MYO10: variants seen among roughly 807,000 people sequenced by gnomAD.
MYO10 encodes the protein myosin X.
Under a neutral mutation model 257.3 loss-of-function variants are expected in MYO10, and 133 were observed. The observed-to-expected ratio is 0.52, with a 90% CI of 0.45 to 0.60. MYO10 has a LOEUF of 0.60. Among genes scored for constraint, MYO10 ranks in the 20% least tolerant of loss-of-function variants. MYO10 has a pLI of 0.00. For synonymous variants in MYO10, 1,104 were observed against 1,028.6 expected (o/e 1.07, Z -1.40); for missense variants, 2,399 against 2,635.7 (o/e 0.91, Z 1.97).
chr5:16,741,838 A>G, intron 19 of MYO10: 1 of 985,426 alleles, frequency 1.0e-6, no homozygotes, highest in Non-Finnish European at 1.2e-6. Context: ...GTTTCTGTCC[A>G]CTGTAAATAG....
At chr5:16,926,291 T>C (rs1040887125) in intron 1 of MYO10, among the ~76,000 whole-genome samples, 2 of 152,216 alleles carry the variant, frequency 1.3e-5, no homozygotes, top group Admixed American at 1.3e-4. Flanking sequence ...CAATAATCTA[T>C]CATATGCAAT....
intron 1 of MYO10, among the ~76,000 whole-genome samples, chr5:16,881,213 A>C (rs1407447960): frequency 2.0e-5 from 3 of 152,222 alleles, no homozygotes; most frequent in Non-Finnish European, 4.4e-5. Context: ...TTTAGTAAGA[A>C]TGAAATTGAG....
chr5:16,758,973 G>A (rs1020558791), intron 17 of MYO10, among the ~76,000 whole-genome samples: 29 of 152,000 alleles, frequency 1.9e-4, no homozygotes, highest in Admixed American at 1.6e-3. Flanking sequence ...CCAGGCTGGA[G>A]TGCAGTGGTG....
intron 3 of MYO10, among the ~76,000 whole-genome samples, chr5:16,799,297 G>A (rs982740366): frequency 2.0e-5 from 3 of 152,076 alleles, no homozygotes; most frequent in African/African-American, 7.2e-5. Context: ...TAGCAAAGGT[G>A]AAGACGCAAC....
In MYO10 at chr5:16,673,665, C is replaced by A. The variant is rs1340479258; in HGVS notation, c.5172+17G>T. The A allele has an allele frequency of 1.2e-6, 2 of 1,607,902 alleles. No homozygotes were observed. The highest frequency in any genetic ancestry group is 1.1e-5 in the South Asian group (1 of 90,414). The stretch of plus-strand genomic sequence containing the variant: ...CAAAGGCATCTAACAGAACAAGCAG[C>A]AGCTGCCTCTCCTCACCTCCCCAGC... On this transcript the variant is annotated intron_variant, in intron 36 of 40. Transcript: ENST00000513610.
chr5:16,860,591 T>A (rs1744079318), intron 2 of MYO10, among the ~76,000 whole-genome samples: 1 of 152,168 alleles, frequency 6.6e-6, no homozygotes, highest in African/African-American at 2.4e-5. Context: ...CGTTAGTATC[T>A]GGGACACTTA....
intron 4 of MYO10, among the ~76,000 whole-genome samples, chr5:16,789,155 A>C (rs1265870422): frequency 6.6e-6 from 1 of 152,200 alleles, no homozygotes; most frequent in Non-Finnish European, 1.5e-5. Flanking sequence ...TGTTTTTATA[A>C]ATAAAGTTTT....
At chr5:16,732,527 G>A (rs1464592386) in intron 19 of MYO10, among the ~76,000 whole-genome samples, 3 of 152,196 alleles carry the variant, frequency 2.0e-5, no homozygotes, top group East Asian at 1.9e-4. Flanking sequence ...TTATTCAGAC[G>A]TGTTCTGAAA....
chr5:16,727,735 T>C (rs1382767667), intron 19 of MYO10, among the ~76,000 whole-genome samples: 1 of 152,180 alleles, frequency 6.6e-6, no homozygotes, highest in Non-Finnish European at 1.5e-5. Flanking sequence ...TTTTGTTTTT[T>C]AAAACAAACT....
intron 4 of MYO10, among the ~76,000 whole-genome samples, chr5:16,791,405 G>T (rs1418024089): frequency 1.3e-5 from 2 of 151,350 alleles, no homozygotes; most frequent in African/African-American, 4.8e-5. Context: ...TCTGTTTCCT[G>T]AATTAATTTA....
intron 2 of MYO10, among the ~76,000 whole-genome samples, chr5:16,820,913 T>C (rs1168224872): frequency 6.7e-6 from 1 of 148,330 alleles, no homozygotes; most frequent in South Asian, 2.1e-4. Context: ...CTTATATGTA[T>C]TTTACATATA....
chr5:16,893,633 C>CA (rs58021066), intron 1 of MYO10, among the ~76,000 whole-genome samples: 2,126 of 56,764 alleles, frequency 0.037, 56 homozygotes, highest in East Asian at 0.11. Context: ...GACTCTGTCT[C>CA]AAAAAAAAAA....
intron 1 of MYO10, among the ~76,000 whole-genome samples, chr5:16,930,878 T>G (rs944903481): frequency 6.6e-6 from 1 of 152,130 alleles, no homozygotes; most frequent in African/African-American, 2.4e-5. Context: ...TAATCCAGAC[T>G]TCACCGGAGG....
intron 1 of MYO10, among the ~76,000 whole-genome samples, chr5:16,919,144 A>C (rs1745908950): frequency 6.6e-6 from 1 of 152,124 alleles, no homozygotes; most frequent in African/African-American, 2.4e-5. Context: ...TGAGAGGCCA[A>C]GGCAGGCGGG....
chr5:16,763,302 C>T (rs1740773481), intron 14 of MYO10, among the ~76,000 whole-genome samples, 179 bp downstream of exon 14: 1 of 152,176 alleles, frequency 6.6e-6, no homozygotes, highest in Non-Finnish European at 1.5e-5. Flanking sequence ...AGGTTTGAAG[C>T]AGCCAAGTAT....
chr5:16,742,129 A>C (rs928619546), intron 19 of MYO10: 1 of 985,208 alleles, frequency 1.0e-6, no homozygotes, highest in Non-Finnish European at 1.2e-6. Flanking sequence ...TTAAAAGCCA[A>C]TCAATAATTT....
chr5:16,709,665 G>T (rs1053524438), intron 21 of MYO10, among the ~76,000 whole-genome samples: 1 of 152,076 alleles, frequency 6.6e-6, no homozygotes, highest in Non-Finnish European at 1.5e-5. Context: ...AAGATACAGG[G>T]ACTGCAGGCT....
intron 2 of MYO10, among the ~76,000 whole-genome samples, chr5:16,823,937 A>G (rs1230809800): frequency 2.0e-5 from 3 of 152,182 alleles, no homozygotes; most frequent in African/African-American, 7.2e-5. Context: ...TGAGCAAAAC[A>G]TGGAGGATTA....
chr5:16,807,165 T>C (rs956730442), intron 3 of MYO10, among the ~76,000 whole-genome samples: 2 of 152,212 alleles, frequency 1.3e-5, no homozygotes, highest in Admixed American at 1.3e-4. Context: ...CTCGGCTAAA[T>C]ACGGCAGTGA....
Sources: allele counts gnomAD v4.1 joint callset (sites outside exome capture counted in the v4.1 genomes callset), GRCh38; gene constraint gnomAD v4.1.1; transcripts MANE v1.5; gene names NCBI Gene and HGNC (gene_info 2026-07-23, HGNC 2026-07-21).